Variants in INPP5A observed in about 807,000 individuals in gnomAD.
The protein encoded by INPP5A is 43 kDa inositol polyphosphate 5-phophatase.
A neutral mutation model predicts 65.2 loss-of-function variants in INPP5A; 14 were observed. The observed-to-expected ratio is 0.21, with a 90% CI of 0.14 to 0.34. The LOEUF is 0.34. INPP5A is among the 10% of genes least tolerant of loss of function. The pLI is 1.00. For missense variants in INPP5A, 431 were observed against 545.6 expected (o/e 0.79, Z 2.09); for synonymous variants, 207 against 208.3 (o/e 0.99, Z 0.05).
intron 11 of INPP5A, among the ~76,000 whole-genome samples, chr10:132,751,614 G>A (rs1196046208): frequency 6.7e-6 from 1 of 150,306 alleles, no homozygotes; most frequent in East Asian, 1.9e-4. Flanking sequence ...CTGGGTGGAG[G>A]CAGGTGCCCA....
In INPP5A at chr10:132,698,431, T is replaced by C. The variant is rs546772656; in HGVS notation, c.474+512T>C. 6.6e-6 allele frequency among the ~76,000 whole-genome samples: 1 copy of C among 152,230 alleles called. No individual in the cohort carries two copies. The highest frequency in any genetic ancestry group is 1.9e-4 in the East Asian group (1 of 5,196). Reference sequence around the variant, plus strand: ...ACACGGAGAGATTAGAATCAAAATGTGTGGAAGGCATTTGTCGTCTCACTG... The same window carrying C: ...ACACGGAGAGATTAGAATCAAAATGCGTGGAAGGCATTTGTCGTCTCACTG... On this transcript the variant is annotated intron_variant, in intron 6 of 15. Transcript: ENST00000368594. This position sits in a 1 kb window ranked among gnomAD's most constrained non-coding sequence, Gnocchi z 5.5.
chr10:132,553,715 G>A (rs1375066596), intron 1 of INPP5A, among the ~76,000 whole-genome samples: 1 of 140,308 alleles, frequency 7.1e-6, no homozygotes, highest in African/African-American at 2.7e-5. Context: ...AGTGGGATAG[G>A]GAGGGAGGAT....
At chr10:132,562,871 G>C (rs1416740794) in intron 1 of INPP5A, among the ~76,000 whole-genome samples, 1 of 152,174 alleles carries the variant, frequency 6.6e-6, no homozygotes. Context: ...TCGCAGGCTC[G>C]GGGCGGTGGT....
chr10:132,596,793 G>A (rs1349702750), intron 1 of INPP5A, among the ~76,000 whole-genome samples: 2 of 152,000 alleles, frequency 1.3e-5, no homozygotes, highest in African/African-American at 4.8e-5. Flanking sequence ...GCAGGCTCCT[G>A]TACATGTGCG....
In INPP5A at chr10:132,696,781, C is replaced by T. The variant is rs190467351; in HGVS notation, c.371-1035C>T. On this transcript the variant is annotated intron_variant, in intron 5 of 15. Coordinates refer to ENST00000368594, the MANE Select transcript of INPP5A (RefSeq NM_005539.5). ...CAGGACTGTGCGCCTAGGGCTGGGC[C>T]GGGTCACAGCACCCAGGGCCAGGTC... is the stretch of plus-strand genomic sequence containing the variant. Among the ~76,000 whole-genome samples, 255 of 152,278 alleles carry T rather than the reference C, an allele frequency of 1.7e-3. 3 individuals are homozygous for T. The highest frequency in any genetic ancestry group is 1.3e-3 in the Non-Finnish European group (88 of 68,018).
intron 12 of INPP5A, among the ~76,000 whole-genome samples, chr10:132,774,556 G>A (rs2134688394): frequency 6.6e-6 from 1 of 152,330 alleles, no homozygotes; most frequent in East Asian, 1.9e-4. Flanking sequence ...CACCCAGCCT[G>A]CCTTCTGGGG....
Position 132,616,248 on chromosome 10 carries a change from G to A in INPP5A, c.117+8292G>A, listed in dbSNP as rs780300262. Among the ~76,000 whole-genome samples the A allele has an allele frequency of 6.6e-6, 1 of 152,220 alleles. No homozygotes were observed. Among genetic ancestry groups the A allele is most frequent in the Non-Finnish European group, 1.5e-5 (1 of 68,034 alleles). On this transcript the variant is annotated intron_variant, in intron 2 of 15. Coordinates refer to ENST00000368594, the MANE Select transcript of INPP5A (RefSeq NM_005539.5). This position sits in a 1 kb window ranked among gnomAD's most constrained non-coding sequence, Gnocchi z 4.9. ...GTGGGAGGCAGCTGCAGTGGGAGGT[G>A]CCTGTGCTTTGTTGGTTGTGAACAA...
chr10:132,552,433 G>T (rs1333057295), intron 1 of INPP5A, among the ~76,000 whole-genome samples: 1 of 141,130 alleles, frequency 7.1e-6, no homozygotes, highest in African/African-American at 2.7e-5. Flanking sequence ...AGCCTTGGTG[G>T]CATATTGAGT....
At chr10:132,767,266 C>T (rs1166689216) in intron 12 of INPP5A, among the ~76,000 whole-genome samples, 1 of 8,446 alleles carries the variant, frequency 1.2e-4, no homozygotes, top group East Asian at 7.4e-3. Context: ...GGGTGGGAGC[C>T]GGAGGATGCG....
At position 132,552,972 on chromosome 10, in the gene INPP5A, G is replaced by A. The variant is rs1473652365; in HGVS notation, c.75+14801G>A. On this transcript the variant is annotated intron_variant, in intron 1 of 15. Coordinates refer to ENST00000368594, the MANE Select transcript of INPP5A (RefSeq NM_005539.5). ...AATATTGGGTAGGATAGGGAGGGAG[G>A]ATTGGTGAACGCCTTCTCAGAGCCT... 3.7e-5 allele frequency among the ~76,000 whole-genome samples: 4 copies of A among 108,314 alleles called. No individual in the cohort carries two copies. In the Admixed American group the frequency reaches 3.8e-4, roughly 10 times the overall value. The allele number at this position is 108,314 out of a possible 152,430, so 71.1% of individuals were successfully genotyped here.
chr10:132,743,488 C>T (rs12767126), intron 9 of INPP5A, among the ~76,000 whole-genome samples: 23,477 of 149,824 alleles, frequency 0.16, 2,224 homozygotes, highest in Non-Finnish European at 0.22. Context: ...GCCCCTTGCG[C>T]GAACCCTGGA....
At chr10:132,731,169 G>T (rs1024034700) in intron 9 of INPP5A, among the ~76,000 whole-genome samples, 1 of 152,200 alleles carries the variant, frequency 6.6e-6, no homozygotes, top group Admixed American at 6.5e-5. Context: ...CCAGGGAAGA[G>T]TCAGGCCTGG....
In INPP5A at chr10:132,762,819, C is replaced by T. The variant is rs184199401; in HGVS notation, c.904-2954C>T. On this transcript the variant is annotated intron_variant, in intron 11 of 15. Coordinates refer to ENST00000368594, the MANE Select transcript of INPP5A (RefSeq NM_005539.5). This position sits in a 1 kb window ranked among gnomAD's most constrained non-coding sequence, Gnocchi z 4.6. ...AAGCCAGGGCAATGTGGCAAGACCC[C>T]GTCTCTACAAAAAATAAAGACTTAG... 4.6e-5 allele frequency among the ~76,000 whole-genome samples: 7 copies of T among 151,964 alleles called. No homozygotes were observed. Among genetic ancestry groups the T allele is most frequent in the East Asian group, 1.9e-4 (1 of 5,176 alleles).
chr10:132,683,195 C>T (rs1034815900), intron 4 of INPP5A, among the ~76,000 whole-genome samples: 47 of 132,588 alleles, frequency 3.5e-4, no homozygotes, highest in Non-Finnish European at 5.2e-4. Context: ...CACGTGTACA[C>T]GTATTATCCT....
At chr10:132,564,981 A>G (rs1331800406) in intron 1 of INPP5A, among the ~76,000 whole-genome samples, 2 of 152,214 alleles carry the variant, frequency 1.3e-5, no homozygotes, top group African/African-American at 4.8e-5. Flanking sequence ...AGCAGTACCA[A>G]CACCAACAAG....
Position 132,719,521 on chromosome 10 carries a change from C to T in INPP5A, c.648-7300C>T, listed in dbSNP as rs1399711843. ...CTGGGTTCTGTCTGGGCGCCTTAGA[C>T]GGCTGTCTTGCGGGTTCTGTGGTGC... is the stretch of plus-strand genomic sequence containing the variant. On this transcript the variant is annotated intron_variant, in intron 8 of 15. Coordinates refer to ENST00000368594, the MANE Select transcript of INPP5A (RefSeq NM_005539.5). 2.7e-5 allele frequency among the ~76,000 whole-genome samples: 4 copies of T among 149,414 alleles called. No individual in the cohort carries two copies. In the East Asian group the frequency reaches 6.0e-4, roughly 22 times the overall value.
At chr10:132,728,410 T>C (rs771443819) in intron 9 of INPP5A, among the ~76,000 whole-genome samples, 14 of 152,190 alleles carry the variant, frequency 9.2e-5, no homozygotes, top group Non-Finnish European at 2.1e-4. Context: ...CTTGCTAGAA[T>C]CCATGTCCCC....
chr10:132,772,978 CAAGT>C (rs957445248), intron 12 of INPP5A, among the ~76,000 whole-genome samples: 56 of 152,360 alleles, frequency 3.7e-4, no homozygotes, highest in African/African-American at 1.3e-3. Flanking sequence ...CACAGCTCCA[CAAGT>C]GAGTTTAAAG....
chr10:132,601,685 T>C (rs2819725), intron 1 of INPP5A, among the ~76,000 whole-genome samples: 37,478 of 152,178 alleles, frequency 0.25, 5,459 homozygotes, highest in East Asian at 0.5. Context: ...AAGAAACCAG[T>C]TTCATTCTTT....
Sources: allele counts gnomAD v4.1 joint callset (sites outside exome capture counted in the v4.1 genomes callset), GRCh38; gene constraint gnomAD v4.1.1; non-coding constraint Gnocchi (gnomAD v3.1); transcripts MANE v1.5; gene names NCBI Gene and HGNC (gene_info 2026-07-23, HGNC 2026-07-21).